Variants in DGKB observed in about 807,000 individuals in gnomAD.
The protein encoded by DGKB is diacylglycerol kinase beta, also known as 90 kDa diacylglycerol kinase.
Under a neutral mutation model 114.3 loss-of-function variants are expected in DGKB, and 67 were observed. The observed-to-expected ratio is 0.59, with a 90% CI of 0.48 to 0.72. The LOEUF is 0.72. DGKB is among the 30% of genes least tolerant of loss of function. The probability of loss-of-function intolerance (pLI) is 0.00; values close to 1 mark genes in which losing one functional copy is unlikely to be tolerated. For missense variants in DGKB, 907 were observed against 975.2 expected (o/e 0.93, Z 0.93); for synonymous variants, 398 against 323.1 (o/e 1.23, Z -2.49).
intron 1 of DGKB, among the ~76,000 whole-genome samples, chr7:14,970,475 A>G (rs983663795): frequency 2.6e-5 from 4 of 152,132 alleles, no homozygotes; most frequent in Non-Finnish European, 5.9e-5. Context: ...AAAAAAAAAG[A>G]TTTATAAAGC....
chr7:14,647,096 A>T (rs1163375002), intron 13 of DGKB, among the ~76,000 whole-genome samples: 1 of 151,994 alleles, frequency 6.6e-6, no homozygotes, highest in Non-Finnish European at 1.5e-5. Context: ...AGAAAACCTC[A>T]ATAAATAAAA....
chr7:14,761,476 A>G (rs1359219017), intron 2 of DGKB, among the ~76,000 whole-genome samples: 2 of 152,202 alleles, frequency 1.3e-5, no homozygotes, highest in African/African-American at 4.8e-5. Flanking sequence ...GCCTATCACC[A>G]TAAACATTCC....
chr7:14,669,732 A>T (rs549831830), intron 13 of DGKB, among the ~76,000 whole-genome samples: 1 of 152,300 alleles, frequency 6.6e-6, no homozygotes, highest in African/African-American at 2.4e-5. Flanking sequence ...AACAGACCAG[A>T]CCAGACCAAA....
chr7:14,689,667 T>C (rs575077659), intron 9 of DGKB, among the ~76,000 whole-genome samples: 4 of 152,200 alleles, frequency 2.6e-5, no homozygotes, highest in Admixed American at 6.5e-5. Flanking sequence ...TTTTCTTAAA[T>C]GACACAATCT....
chr7:14,566,050 G>A (rs959345018), intron 20 of DGKB, among the ~76,000 whole-genome samples: 1 of 150,118 alleles, frequency 6.7e-6, no homozygotes, highest in African/African-American at 2.4e-5. Flanking sequence ...ACCTGTTTAT[G>A]CCTGTTTTAC....
At chr7:14,602,338 G>A (rs1803699272) in intron 17 of DGKB, among the ~76,000 whole-genome samples, 1 of 152,132 alleles carries the variant, frequency 6.6e-6, no homozygotes, top group Non-Finnish European at 1.5e-5. Context: ...AGACTATTGG[G>A]ATGGAATGAA....
intron 2 of DGKB, among the ~76,000 whole-genome samples, chr7:14,782,331 A>G (rs975800304): frequency 2.6e-5 from 4 of 152,148 alleles, no homozygotes; most frequent in Admixed American, 1.3e-4. Flanking sequence ...CCCGGCCTGA[A>G]TTTTTAAATG....
chr7:14,459,141 C>T (rs536478008), intron 21 of DGKB, among the ~76,000 whole-genome samples: 2 of 152,278 alleles, frequency 1.3e-5, no homozygotes, highest in South Asian at 4.1e-4. Flanking sequence ...TGTAGCCAGA[C>T]TGCCTCTCTC....
chr7:14,960,704 C>A (rs751202794), intron 1 of DGKB, among the ~76,000 whole-genome samples: 3 of 152,004 alleles, frequency 2.0e-5, no homozygotes, highest in Non-Finnish European at 2.9e-5. Context: ...TTATTTGCTA[C>A]CAACTAAGGT....
chr7:14,544,366 T>G (rs1041993441), intron 20 of DGKB, among the ~76,000 whole-genome samples: 1 of 152,208 alleles, frequency 6.6e-6, no homozygotes, highest in South Asian at 2.1e-4. Flanking sequence ...TGGTTTGTAT[T>G]AGCCTTGAAG....
chr7:14,684,995 C>G (rs966918767), intron 10 of DGKB, among the ~76,000 whole-genome samples: 4 of 152,110 alleles, frequency 2.6e-5, no homozygotes, highest in African/African-American at 4.8e-5. Flanking sequence ...ATAAATTAAA[C>G]TACAGTGGAA....
intron 1 of DGKB, among the ~76,000 whole-genome samples, chr7:14,894,163 A>C (rs557193352): frequency 6.6e-6 from 1 of 151,420 alleles, no homozygotes; most frequent in Non-Finnish European, 1.5e-5. Flanking sequence ...GCCGATTCTC[A>C]TGTGAAGGAC....
chr7:14,701,675 A>T lies in DGKB; in HGVS notation c.516+6T>A, dbSNP rs762089138. ...TTTTCACAGAAACTTTGAAGAAAAA[A>T]ATTACCGAGCTGTCCAGGAAGCCAT... On this transcript the variant is annotated splice_donor_region_variant and intron_variant, in intron 7 of 25. Coordinates refer to ENST00000402815, the MANE Select transcript of DGKB (RefSeq NM_001350709.2). The T allele has an allele frequency of 6.9e-6, 11 of 1,604,252 alleles. No homozygotes were observed. The highest frequency in any genetic ancestry group is 9.4e-6 in the Non-Finnish European group (11 of 1,171,796).
chr7:14,795,747 T>C (rs1841316483), intron 2 of DGKB, among the ~76,000 whole-genome samples: 1 of 152,108 alleles, frequency 6.6e-6, no homozygotes, highest in Non-Finnish European at 1.5e-5. Context: ...AAGAGTCTGA[T>C]ATGTTGACCT....
intron 2 of DGKB, among the ~76,000 whole-genome samples, chr7:14,768,507 C>T (rs1836806257): frequency 6.8e-6 from 1 of 146,430 alleles, no homozygotes; most frequent in Admixed American, 6.7e-5. Context: ...CTAAACATTC[C>T]CTTCCCAATT....
At chr7:14,762,548 G>A (rs1485295990) in intron 2 of DGKB, among the ~76,000 whole-genome samples, 2 of 152,078 alleles carry the variant, frequency 1.3e-5, no homozygotes, top group Admixed American at 6.6e-5. Flanking sequence ...GTAACGTTTA[G>A]AAAATGCAAA....
chr7:14,559,155 T>C (rs1796291183), intron 20 of DGKB, among the ~76,000 whole-genome samples: 2 of 152,210 alleles, frequency 1.3e-5, no homozygotes, highest in African/African-American at 4.8e-5. Flanking sequence ...TACTCTGTAA[T>C]TACATCAATT....
At chr7:14,434,188 C>T (rs58759714) in intron 21 of DGKB, among the ~76,000 whole-genome samples, 15,536 of 152,196 alleles carry the variant, frequency 0.1, 1,035 homozygotes, top group East Asian at 0.29. Context: ...CTGTTTGCCA[C>T]TGCTGAGTTA....
intron 23 of DGKB, among the ~76,000 whole-genome samples, chr7:14,224,935 T>C (rs560252363): frequency 6.6e-6 from 1 of 152,168 alleles, no homozygotes; most frequent in South Asian, 2.1e-4. Context: ...TCAGGATTAT[T>C]TGAAGAGATA....
Sources: allele counts gnomAD v4.1 joint callset (sites outside exome capture counted in the v4.1 genomes callset), GRCh38; gene constraint gnomAD v4.1.1; transcripts MANE v1.5; gene names NCBI Gene and HGNC (gene_info 2026-07-23, HGNC 2026-07-21).